The following ZC3H3 variants were observed in gnomAD, a reference collection of about 807,000 sequenced individuals.
ZC3H3 encodes zinc finger CCCH domain-containing protein 3.
A neutral mutation model predicts 77.3 loss-of-function variants in ZC3H3; 36 were observed. The ratio of observed to expected loss-of-function variants is 0.47; its 90% CI spans 0.36 to 0.61. ZC3H3 has a LOEUF of 0.61. ZC3H3 is among the 20% of genes least tolerant of loss of function. The pLI is 0.00. For missense variants in ZC3H3, 1,331 were observed against 1,312.2 expected, an observed-to-expected ratio of 1.01 and a Z score of -0.22; for synonymous variants, 626 against 555.2, an observed-to-expected ratio of 1.13 and a Z score of -1.79.
intron 9 of ZC3H3, among the ~76,000 whole-genome samples, chr8:143,465,299 C>T (rs144509888): frequency 5.5e-4 from 83 of 150,366 alleles, no homozygotes; most frequent in Middle Eastern, 3.4e-3. Flanking sequence ...TCCCGTCCAC[C>T]CCCTGCCTTC....
At chr8:143,491,825 C>T (rs1201281616) in intron 4 of ZC3H3, among the ~76,000 whole-genome samples, 3 of 152,206 alleles carry the variant, frequency 2.0e-5, no homozygotes. Flanking sequence ...GGGCATGACT[C>T]CCTCAGTCCT....
At position 143,441,017 on chromosome 8, in the gene ZC3H3, C is replaced by A; in HGVS notation, c.2411G>T (p.Ser804Ile). Residue 804 changes from serine (S) to isoleucine (I), a missense_variant, in exon 10 of 12, where the codon AGT becomes ATT. Ser to Ile is a moderately radical substitution (Grantham distance 142). Coordinates refer to ENST00000262577, the MANE Select transcript of ZC3H3 (RefSeq NM_015117.3). ...QLLHRTQKRH[S>I]RRAATSPAPG... Reference sequence around the variant, plus strand: ...GGCGGGGGACGTGGCTGCCCGCCGACTGTGGCGTTTCTGGGTACGGTGGAG... The same window carrying A: ...GGCGGGGGACGTGGCTGCCCGCCGAATGTGGCGTTTCTGGGTACGGTGGAG... 6.8e-7 allele frequency: 1 copy of A among 1,477,778 alleles called. No homozygotes were observed. Among genetic ancestry groups the A allele is most frequent in the Non-Finnish European group, 8.9e-7 (1 of 1,121,674 alleles). The allele number at this position is 1,477,778 out of a possible 1,614,324, so 91.5% of individuals were successfully genotyped here.
At chr8:143,472,215 G>A (rs7016425) in intron 5 of ZC3H3, among the ~76,000 whole-genome samples, 3,783 of 152,366 alleles carry the variant, frequency 0.025, 152 homozygotes, top group African/African-American at 0.087. Context: ...TGCTGCTGGT[G>A]CAGGGGTGAG....
intron 4 of ZC3H3, 119 bp from the exon 5 acceptor site, chr8:143,475,704 C>T (rs989298595): frequency 1.2e-5 from 14 of 1,208,166 alleles, no homozygotes; most frequent in African/African-American, 9.2e-5. Flanking sequence ...GCAGCACTTG[C>T]GGTGGGTACA....
At chr8:143,496,870 A>G (rs1266390331) in intron 4 of ZC3H3, among the ~76,000 whole-genome samples, 2 of 152,238 alleles carry the variant, frequency 1.3e-5, no homozygotes, top group Non-Finnish European at 2.9e-5. Context: ...CTCATCACAA[A>G]AAGACATCAG....
At chr8:143,531,678 T>C (rs1822612672) in intron 3 of ZC3H3, among the ~76,000 whole-genome samples, 1 of 152,230 alleles carries the variant, frequency 6.6e-6, no homozygotes, top group Admixed American at 6.5e-5. Flanking sequence ...TTGCTGATAA[T>C]ATGCGCCAAA....
intron 4 of ZC3H3, among the ~76,000 whole-genome samples, chr8:143,482,917 G>A (rs1249124280): frequency 4.6e-5 from 7 of 152,226 alleles, no homozygotes; most frequent in Admixed American, 4.6e-4. Flanking sequence ...ACCGGGCCAC[G>A]GGGACACGAC....
Position 143,496,128 on chromosome 8 carries a change from C to T in ZC3H3, c.1715+11618G>A, listed in dbSNP as rs116814034. Among the ~76,000 whole-genome samples the T allele has an allele frequency of 8.5e-3, 1,291 of 152,186 alleles. 16 individuals are homozygous for T. The highest frequency in any genetic ancestry group is 0.03 in the African/African-American group (1,229 of 41,510). On this transcript the variant is annotated intron_variant, in intron 4 of 11. Transcript: ENST00000262577. The stretch of plus-strand genomic sequence containing the variant: ...CGTGGCTGGAGAAGAGTCAGGAACA[C>T]GGAATGAGGGCAGGCTGAGTAAACC...
intron 4 of ZC3H3, among the ~76,000 whole-genome samples, chr8:143,483,870 G>A (rs1820976033): frequency 1.3e-5 from 2 of 152,330 alleles, no homozygotes; most frequent in African/African-American, 2.4e-5. Context: ...CAGGGGCTCC[G>A]GCACCATGGC....
intron 4 of ZC3H3, among the ~76,000 whole-genome samples, chr8:143,500,797 C>T (rs920634733): frequency 4.0e-5 from 6 of 150,148 alleles, no homozygotes; most frequent in African/African-American, 1.5e-4. Context: ...CACCTCCCCA[C>T]ACCGTCACGT....
At chr8:143,467,626 GC>G (rs1820445794) in intron 8 of ZC3H3, among the ~76,000 whole-genome samples, 1 of 152,290 alleles carries the variant, frequency 6.6e-6, no homozygotes, top group East Asian at 1.9e-4. Flanking sequence ...GGGCACAGGA[GC>G]TACACATGTC....
intron 3 of ZC3H3, among the ~76,000 whole-genome samples, chr8:143,517,008 G>A (rs7464822): frequency 0.18 from 27,064 of 152,158 alleles, 2,768 homozygotes; most frequent in Non-Finnish European, 0.23. Flanking sequence ...ACACTACCTG[G>A]TGTTTAATGA....
At chr8:143,470,168 C>T (rs1474048512) in intron 5 of ZC3H3, among the ~76,000 whole-genome samples, 3 of 152,236 alleles carry the variant, frequency 2.0e-5, no homozygotes, top group African/African-American at 7.2e-5. Flanking sequence ...CAGCCCAGTG[C>T]TCCCTAGCTA....
intron 3 of ZC3H3, among the ~76,000 whole-genome samples, chr8:143,527,182 T>A (rs1822441544): frequency 1.3e-5 from 2 of 152,152 alleles, no homozygotes; most frequent in African/African-American, 4.8e-5. Flanking sequence ...GGTGGACTCC[T>A]GAGAGAGGCC....
chr8:143,465,271 C>T (rs1238978049), intron 9 of ZC3H3, among the ~76,000 whole-genome samples: 1 of 152,148 alleles, frequency 6.6e-6, no homozygotes, highest in African/African-American at 2.4e-5. Flanking sequence ...CCCCTCTGCC[C>T]CAGGCTGGGT....
intron 9 of ZC3H3, among the ~76,000 whole-genome samples, chr8:143,448,724 C>G (rs955757116): frequency 6.6e-6 from 1 of 152,222 alleles, no homozygotes; most frequent in Non-Finnish European, 1.5e-5. Context: ...AGGACAGTGG[C>G]CCTCTTCTCA....
chr8:143,481,492 G>A (rs879374628), intron 4 of ZC3H3, among the ~76,000 whole-genome samples: 1 of 152,188 alleles, frequency 6.6e-6, no homozygotes, highest in Non-Finnish European at 1.5e-5. Flanking sequence ...GGAGAGGCGA[G>A]GCCAGCAGAG....
intron 3 of ZC3H3, among the ~76,000 whole-genome samples, chr8:143,523,163 G>A (rs1822304623): frequency 6.6e-6 from 1 of 152,206 alleles, no homozygotes; most frequent in Non-Finnish European, 1.5e-5. Flanking sequence ...TTTCAGCAGT[G>A]CTGGCCACTA....
At chr8:143,496,166 G>C (rs1405284610) in intron 4 of ZC3H3, among the ~76,000 whole-genome samples, 1 of 152,196 alleles carries the variant, frequency 6.6e-6, no homozygotes, top group Non-Finnish European at 1.5e-5. Flanking sequence ...CAGAGATGGA[G>C]TGGAACTTGT....
Sources: gnomAD v4.1 joint callset for allele counts (sites outside exome capture counted in the v4.1 genomes callset) on GRCh38, gnomAD v4.1.1 for gene constraint, MANE v1.5 for transcripts, NCBI Gene and HGNC (gene_info 2026-07-23, HGNC 2026-07-21) for gene names.